CALB1: variants seen among roughly 807,000 people sequenced by gnomAD.
CALB1 encodes calbindin.
CALB1 carries 16 observed loss-of-function variants against 46.7 expected under a neutral mutation model. The ratio of observed to expected loss-of-function variants is 0.34; its 90% CI spans 0.23 to 0.52. The LOEUF (loss-of-function observed/expected upper bound fraction) is 0.52. Ranked by LOEUF, CALB1 falls within the 20% of genes least tolerant of loss-of-function variation. The pLI is 0.95. For synonymous variants in CALB1, 90 were observed against 112.8 expected (o/e 0.80, Z 1.28); for missense variants, 224 against 300.3 (o/e 0.75, Z 1.88).
chr8:90,071,586 A>T (rs1383869959), intron 3 of CALB1, among the ~76,000 whole-genome samples: 1 of 152,154 alleles, frequency 6.6e-6, no homozygotes, highest in Non-Finnish European at 1.5e-5. Flanking sequence ...ATGGGAAGAG[A>T]AGAAAAAGTA....
chr8:90,082,757 G>A lies in CALB1; in HGVS notation c.-60C>T. 6.8e-7 allele frequency: 1 copy of A among 1,473,946 alleles called. No individual in the cohort carries two copies. Among genetic ancestry groups the A allele is most frequent in the Non-Finnish European group, 9.5e-7 (1 of 1,052,544 alleles). 91.3% of individuals were successfully genotyped at this position (1,473,946 alleles called of 1,614,324 possible). On this transcript the variant is annotated 5_prime_UTR_variant, in exon 1 of 11. Coordinates refer to ENST00000265431, the MANE Select transcript of CALB1 (RefSeq NM_004929.4). ...TGCGTGTGTCTGTGTCCGCGCGAGG[G>A]GGAGTGAGCAAAAGCTCAGCGTGTG...
chr8:90,076,653 C>T (rs978442403), intron 3 of CALB1, among the ~76,000 whole-genome samples: 21 of 151,860 alleles, frequency 1.4e-4, no homozygotes, highest in African/African-American at 4.8e-4. Flanking sequence ...TCTTTCCTTC[C>T]ACAGAAAGCC....
chr8:90,069,262 A>C (rs781361513), intron 3 of CALB1, 25 bp from the exon 4 acceptor site: 1 of 1,581,270 alleles, frequency 6.3e-7, no homozygotes, highest in Non-Finnish European at 8.7e-7. Context: ...AGAAGAGAGA[A>C]ACGTGTTGTA....
intron 1 of CALB1, 198 bp from the exon 2 acceptor site, chr8:90,082,300 G>A: frequency 1.6e-6 from 1 of 608,730 alleles, no homozygotes; most frequent in Non-Finnish European, 2.9e-6. Context: ...GGACAAAGGA[G>A]GATGGTTGGG....
Position 90,059,960 on chromosome 8 carries a change from A to G in CALB1, c.*213T>C. On this transcript the variant is annotated 3_prime_UTR_variant, in exon 11 of 11. Coordinates refer to ENST00000265431, the MANE Select transcript of CALB1 (RefSeq NM_004929.4). ...ATTGGGTGTACTGACTGGCCTAAGC[A>G]TAGACTTTCTTCTTTTCAATCATAT... 1 of 461,282 alleles carries G rather than the reference A, an allele frequency of 2.2e-6. No homozygotes were observed. The highest frequency in any genetic ancestry group is 3.8e-6 in the Non-Finnish European group (1 of 260,674). The allele number at this position is 461,282 out of a possible 1,614,324, so 28.6% of individuals were successfully genotyped here.
At chr8:90,077,102 T>C (rs1586184452) in intron 3 of CALB1, among the ~76,000 whole-genome samples, 1 of 152,174 alleles carries the variant, frequency 6.6e-6, no homozygotes, top group South Asian at 2.1e-4. Flanking sequence ...TAGATTTACC[T>C]CATCTCATTT....
intron 2 of CALB1, 49 bp downstream of exon 2, chr8:90,081,977 A>T: frequency 6.7e-7 from 1 of 1,490,218 alleles, no homozygotes; most frequent in Non-Finnish European, 9.3e-7. Context: ...AGAATGTTTT[A>T]ATTTGGGGGT....
At chr8:90,078,544 A>G in intron 2 of CALB1, 97 bp from the exon 3 acceptor site, 1 of 675,278 alleles carries the variant, frequency 1.5e-6, no homozygotes. Context: ...AACCAAAATT[A>G]GAACCATTTA....
chr8:90,060,435 C>T (rs529846919), intron 10 of CALB1, 149 bp from the exon 11 acceptor site: 3 of 712,112 alleles, frequency 4.2e-6, no homozygotes, highest in East Asian at 2.6e-5. Flanking sequence ...TGTGAATAAT[C>T]ACAAGGTTGT....
chr8:90,078,331 C>T, intron 3 of CALB1, 42 bp downstream of exon 3: 1 of 1,239,870 alleles, frequency 8.1e-7, no homozygotes, highest in Non-Finnish European at 1.2e-6. Flanking sequence ...AATTGAAACT[C>T]ATTTATTAAA....
chr8:90,059,310 C>G lies in CALB1; in HGVS notation c.*863G>C, dbSNP rs1456097089. The G allele has an allele frequency of 6.6e-6, 1 of 152,366 alleles. No individual in the cohort carries two copies. The highest frequency in any genetic ancestry group is 1.5e-5 in the Non-Finnish European group (1 of 67,982). The allele number at this position is 152,366 out of a possible 1,614,324, so 9.4% of individuals were successfully genotyped here. ...AATATTTTCAGAGGCAGCAGATACC[C>G]TTGGTGGAAATGAACAGTTCTACAT... On this transcript the variant is annotated 3_prime_UTR_variant, in exon 11 of 11. Transcript: ENST00000265431.
Position 90,068,408 on chromosome 8 carries a change from T to G in CALB1, c.372+590A>C, listed in dbSNP as rs570244524. ...TTAGAAGATTTTTTATTTTTTATCA[T>G]CATTGCTGAGAGTCAGTAGGTTGTG... On this transcript the variant is annotated intron_variant, in intron 5 of 10. Coordinates refer to ENST00000265431, the MANE Select transcript of CALB1 (RefSeq NM_004929.4). 3.9e-5 allele frequency among the ~76,000 whole-genome samples: 6 copies of G among 152,348 alleles called. No individual in the cohort carries two copies. In the South Asian group the frequency reaches 1.2e-3, roughly 32 times the overall value.
chr8:90,078,805 A>C (rs946980397), intron 2 of CALB1, among the ~76,000 whole-genome samples: 3 of 152,022 alleles, frequency 2.0e-5, no homozygotes, highest in African/African-American at 7.2e-5. Context: ...GCTTCATTAA[A>C]GATTACCTTA....
Position 90,069,053 on chromosome 8 carries a change from G to T in CALB1, c.317C>A (p.Thr106Lys). Reference sequence around the variant, plus strand: ...GTGGTCAGTATCATATTTTCTCCATGTCTGTAAGTAATTTTGGATAAGGAA... The same window carrying T: ...GTGGTCAGTATCATATTTTCTCCATTTCTGTAAGTAATTTTGGATAAGGAA... ...QLKSCEEFMK[T>K]WRKYDTDHSG... Residue 106 changes from threonine to lysine, a missense_variant and splice_region_variant, in exon 5 of 11, where the codon ACA becomes AAA. By Grantham distance (78) the Thr-to-Lys change is moderately conservative. Coordinates refer to ENST00000265431, the MANE Select transcript of CALB1 (RefSeq NM_004929.4). The T allele has an allele frequency of 6.2e-7, 1 of 1,612,892 alleles. No individual in the cohort carries two copies. Among genetic ancestry groups the T allele is most frequent in the Non-Finnish European group, 8.5e-7 (1 of 1,179,146 alleles).
intron 1 of CALB1, 74 bp downstream of exon 1, chr8:90,082,545 G>T: frequency 1.7e-6 from 2 of 1,174,356 alleles, no homozygotes; most frequent in Non-Finnish European, 2.6e-6. Flanking sequence ...GGATCAGGAG[G>T]CTCAGAAAAG....
At chr8:90,081,935 G>C in intron 2 of CALB1, 91 bp downstream of exon 2, 2 of 1,111,150 alleles carry the variant, frequency 1.8e-6, no homozygotes, top group Non-Finnish European at 2.6e-6. Flanking sequence ...CCCAGAAAGC[G>C]CTTTACGCTA....
At chr8:90,078,980 T>A (rs1814671041) in intron 2 of CALB1, among the ~76,000 whole-genome samples, 1 of 151,992 alleles carries the variant, frequency 6.6e-6, no homozygotes, top group African/African-American at 2.4e-5. Context: ...GAGGCATTCA[T>A]CAATTAAATA....
In CALB1 at chr8:90,059,686, GGTGA is replaced by G. The variant is rs1814260115; in HGVS notation, c.*483_*486del. ...ATAAAGCCACAATTAACTATATTTT[GGTGA>G]GTATTTTAGATGGAAAAGCACATTC... On this transcript the variant is annotated 3_prime_UTR_variant, in exon 11 of 11. Coordinates refer to ENST00000265431, the MANE Select transcript of CALB1 (RefSeq NM_004929.4). 1 of 153,376 alleles carries G rather than the reference GGTGA, an allele frequency of 6.5e-6. No homozygotes were observed. Among genetic ancestry groups the G allele is most frequent in the Non-Finnish European group, 1.5e-5 (1 of 68,946 alleles). The allele number at this position is 153,376 out of a possible 1,614,324, so 9.5% of individuals were successfully genotyped here.
chr8:90,059,527 A>G lies in CALB1; in HGVS notation c.*646T>C, dbSNP rs1371240675. 2 of 152,218 alleles carry G rather than the reference A, an allele frequency of 1.3e-5. No individual in the cohort carries two copies. Among genetic ancestry groups the G allele is most frequent in the East Asian group, 3.8e-4 (2 of 5,198 alleles). The allele number at this position is 152,218 out of a possible 1,614,324, so 9.4% of individuals were successfully genotyped here. A position where few individuals can be genotyped will look rare whatever the true frequency, so the allele number is the denominator to read the frequency against. On this transcript the variant is annotated 3_prime_UTR_variant, in exon 11 of 11. Transcript: ENST00000265431. ...AGTTTGTTGGAAATACAGGCATAGA[A>G]TCAGACAGATTTATGTGTCATCTGG...
Sources: allele counts gnomAD v4.1 joint callset (sites outside exome capture counted in the v4.1 genomes callset), GRCh38; gene constraint gnomAD v4.1.1; transcripts MANE v1.5; gene names NCBI Gene and HGNC (gene_info 2026-07-23, HGNC 2026-07-21).